Variants in CACNA1C observed in about 807,000 individuals in gnomAD.
CACNA1C encodes the protein calcium voltage-gated channel subunit alpha1 C.
In CACNA1C, 30 loss-of-function variants were observed where a neutral mutation model predicts 229.0. The observed-to-expected ratio is 0.13, with a 90% confidence interval of 0.10 to 0.18. The LOEUF is 0.18. CACNA1C is among the 10% of genes least tolerant of loss of function. The pLI, the probability that CACNA1C is intolerant of heterozygous loss-of-function variation, is 1.00. For missense variants in CACNA1C, 1,658 were observed against 2,845.0 expected, an observed-to-expected ratio of 0.58 and a Z score of 9.49; for synonymous variants, 1,114 against 1,132.5, an observed-to-expected ratio of 0.98 and a Z score of 0.33.
chr12:2,212,626 A>G (rs1325491487), intron 3 of CACNA1C, among the ~76,000 whole-genome samples: 1 of 152,180 alleles, frequency 6.6e-6, no homozygotes, highest in Non-Finnish European at 1.5e-5. Context: ...TAGGCCAGGT[A>G]TTTTTACTGT....
intron 3 of CACNA1C, among the ~76,000 whole-genome samples, chr12:2,213,392 C>A (rs1278785966): frequency 6.6e-6 from 1 of 152,162 alleles, no homozygotes; most frequent in Non-Finnish European, 1.5e-5. Context: ...AGGTGACCTT[C>A]CCCTTCTGTG....
At chr12:2,376,368 G>C (rs1387552361) in intron 3 of CACNA1C, among the ~76,000 whole-genome samples, 4 of 152,128 alleles carry the variant, frequency 2.6e-5, no homozygotes, top group Non-Finnish European at 5.9e-5. Flanking sequence ...ACTACAACTG[G>C]ATGATGCCCC....
chr12:2,655,222 G>T lies in CACNA1C; in HGVS notation c.4216G>T (p.Val1406Leu), dbSNP rs753204879. The part of the protein sequence containing the change: ...NNNFQTFPQA[V>L]LLLFRCATGE... ...CAACTTTCAGACCTTCCCCCAGGCC[G>T]TGCTGCTCCTCTTCAGGTGGGTCCC... Residue 1406 changes from valine (V) to leucine (L), a missense_variant, in exon 34 of 47, where the codon GTG becomes TTG. Coordinates refer to ENST00000399655, the MANE Select transcript of CACNA1C (RefSeq NM_000719.7). 2 of 1,611,524 alleles carry T rather than the reference G, an allele frequency of 1.2e-6. No individual in the cohort carries two copies. The highest frequency in any genetic ancestry group is 1.1e-5 in the South Asian group (1 of 90,882).
chr12:2,528,791 G>A (rs1048246602), intron 9 of CACNA1C, among the ~76,000 whole-genome samples: 4 of 152,208 alleles, frequency 2.6e-5, no homozygotes, highest in South Asian at 2.1e-4. Flanking sequence ...AAGTGAGGCC[G>A]TCGGTTATCT....
At chr12:2,023,391 C>T (rs2046794510) in intron 1 of CACNA1C, among the ~76,000 whole-genome samples, 3 of 152,238 alleles carry the variant, frequency 2.0e-5, no homozygotes, top group Middle Eastern at 3.4e-3. Context: ...ACATTTTTGG[C>T]TTTTATCACT....
intron 29 of CACNA1C, among the ~76,000 whole-genome samples, chr12:2,624,968 G>C (rs564590875): frequency 6.6e-6 from 1 of 152,236 alleles, no homozygotes; most frequent in Non-Finnish European, 1.5e-5. Context: ...GGCCAAAGCT[G>C]TGTGGGCCAA....
chr12:2,631,063 C>A (rs10161253), intron 29 of CACNA1C, among the ~76,000 whole-genome samples: 1 of 152,164 alleles, frequency 6.6e-6, no homozygotes. Context: ...GCCCTTCACC[C>A]TGGTGTGCCC....
Position 2,215,807 on chromosome 12 carries a change from T to G in CACNA1C, c.477+95377T>G, listed in dbSNP as rs2059823666. 6.6e-6 allele frequency among the ~76,000 whole-genome samples: 1 copy of G among 152,196 alleles called. No homozygotes were observed. Among genetic ancestry groups the G allele is most frequent in the Non-Finnish European group, 1.5e-5 (1 of 68,032 alleles). ...AGCCCCAAGGTGAGTTGAAGGGCCCTGGAGCCCCAGGCCTGCCTGCCTGGG... is the reference window on the plus strand; with the variant it reads ...AGCCCCAAGGTGAGTTGAAGGGCCCGGGAGCCCCAGGCCTGCCTGCCTGGG... On this transcript the variant is annotated intron_variant, in intron 3 of 46. Transcript: ENST00000399655. The surrounding 1 kb of genome is among the most constrained non-coding windows in gnomAD (Gnocchi z 5.0).
At chr12:2,617,772 G>A (rs1407060986) in intron 29 of CACNA1C, among the ~76,000 whole-genome samples, 1 of 152,226 alleles carries the variant, frequency 6.6e-6, no homozygotes, top group African/African-American at 2.4e-5. Context: ...AGGCACAGAT[G>A]AGGGCTGAGT....
At chr12:2,438,779 A>AT in intron 3 of CACNA1C, among the ~76,000 whole-genome samples, 1 of 152,186 alleles carries the variant, frequency 6.6e-6, no homozygotes, top group African/African-American at 2.4e-5. Context: ...CTCTTTTAAT[A>AT]TCCAAACAAC....
intron 3 of CACNA1C, among the ~76,000 whole-genome samples, chr12:2,362,586 T>C (rs2097585521): frequency 6.6e-6 from 1 of 152,228 alleles, no homozygotes; most frequent in African/African-American, 2.4e-5. Context: ...CCTCTCCAGC[T>C]GGACCATAAT....
intron 3 of CACNA1C, among the ~76,000 whole-genome samples, chr12:2,377,543 G>A (rs147802713): frequency 0.018 from 2,664 of 152,160 alleles, 70 homozygotes; most frequent in African/African-American, 0.061. Flanking sequence ...AGCATGGTTC[G>A]CGTTGCAATT....
At chr12:2,441,038 C>T (rs887383579) in intron 3 of CACNA1C, among the ~76,000 whole-genome samples, 1 of 152,188 alleles carries the variant, frequency 6.6e-6, no homozygotes, top group Admixed American at 6.5e-5. Flanking sequence ...TATTCAAGTT[C>T]TGAAACAACC....
chr12:2,516,288 A>AG (rs1429511727), intron 9 of CACNA1C, among the ~76,000 whole-genome samples: 1 of 152,096 alleles, frequency 6.6e-6, no homozygotes, highest in Non-Finnish European at 1.5e-5. Context: ...GGAGGGAGTA[A>AG]GGGGGTGAAT....
intron 3 of CACNA1C, among the ~76,000 whole-genome samples, chr12:2,207,680 G>A (rs1204655825): frequency 6.6e-6 from 1 of 152,032 alleles, no homozygotes; most frequent in Non-Finnish European, 1.5e-5. Context: ...CAGGTGTGGT[G>A]GTGTGCACCT....
At chr12:2,484,528 T>A (rs1313601314) in intron 5 of CACNA1C, among the ~76,000 whole-genome samples, 1 of 152,104 alleles carries the variant, frequency 6.6e-6, no homozygotes, top group African/African-American at 2.4e-5. Context: ...TGAGCAGCCC[T>A]CCAGCTGTGG....
chr12:2,267,894 C>T (rs1445497105), intron 3 of CACNA1C, among the ~76,000 whole-genome samples: 1 of 152,176 alleles, frequency 6.6e-6, no homozygotes, highest in Non-Finnish European at 1.5e-5. Context: ...TTCCACTGTT[C>T]TTTTGGTCTC....
At position 2,522,126 on chromosome 12, in the gene CACNA1C, C is replaced by T. The variant is rs79608472; in HGVS notation, c.1390+9142C>T. Among the ~76,000 whole-genome samples, 89 of 152,340 alleles carry T rather than the reference C, an allele frequency of 5.8e-4. 1 individual carries two copies. Among genetic ancestry groups the T allele is most frequent in the Admixed American group, 2.3e-3 (35 of 15,304 alleles). On this transcript the variant is annotated intron_variant, in intron 9 of 46. Coordinates refer to ENST00000399655, the MANE Select transcript of CACNA1C (RefSeq NM_000719.7). ...TCCTCCGTGGCCTCCTAGCCCAGGT[C>T]GAAGAGCACGTCTTGGCTCAGGCCT...
chr12:2,065,327 C>T (rs1484355148), intron 1 of CACNA1C, among the ~76,000 whole-genome samples: 1 of 152,154 alleles, frequency 6.6e-6, no homozygotes. Flanking sequence ...AGATAAGAAG[C>T]CTTTTCTAGG....
Sources: gnomAD v4.1 joint callset for allele counts (sites outside exome capture counted in the v4.1 genomes callset) on GRCh38, gnomAD v4.1.1 for gene constraint, Gnocchi (gnomAD v3.1) non-coding constraint, MANE v1.5 for transcripts, NCBI Gene and HGNC (gene_info 2026-07-23, HGNC 2026-07-21) for gene names.